Variants in SLC9A9 observed in about 807,000 individuals in gnomAD.
SLC9A9 encodes the protein sodium/hydrogen exchanger 9.
SLC9A9 carries 62 observed loss-of-function variants against 77.8 expected under a neutral mutation model. The observed-to-expected ratio is 0.80, with a 90% CI of 0.65 to 0.98. The LOEUF is 0.98. Ranked by LOEUF, SLC9A9 falls within the 50% of genes least tolerant of loss-of-function variation. The probability of loss-of-function intolerance (pLI) is 0.00; values close to 1 mark genes in which losing one functional copy is unlikely to be tolerated. For missense variants in SLC9A9, 775 were observed against 774.9 expected (o/e 1.00, Z 0.00); for synonymous variants, 320 against 283.5 (o/e 1.13, Z -1.29).
At chr3:143,345,788 G>A (rs997162488) in intron 14 of SLC9A9, among the ~76,000 whole-genome samples, 1 of 152,122 alleles carries the variant, frequency 6.6e-6, no homozygotes, top group African/African-American at 2.4e-5. Context: ...TTTTCCAGAT[G>A]GGTATAACAA....
chr3:143,712,263 GGGAAAAAA>G (rs1365375731), intron 4 of SLC9A9, among the ~76,000 whole-genome samples: 1 of 152,074 alleles, frequency 6.6e-6, no homozygotes, highest in African/African-American at 2.4e-5. Context: ...TACTTCTCTG[GGGAAAAAA>G]GCACCTGCTA....
intron 4 of SLC9A9, among the ~76,000 whole-genome samples, chr3:143,712,023 C>T (rs1934210344): frequency 6.6e-6 from 1 of 152,200 alleles, no homozygotes; most frequent in African/African-American, 2.4e-5. Context: ...CTGCAACCTA[C>T]CCACTAATCC....
rs1339267162 is a variant in SLC9A9 at position 143,642,263 on chromosome 3, T to C, written c.755+9992A>G. Among the ~76,000 whole-genome samples, 4 of 152,238 alleles carry C rather than the reference T, an allele frequency of 2.6e-5. No homozygotes were observed. The East Asian group carries it at 7.7e-4, about 29-fold the overall frequency. ...CATCCAAATTGTAAGTAAGTGTAAG[T>C]AATCCTTATTGGAAATAAACCATCT... On this transcript the variant is annotated intron_variant, in intron 6 of 15. Coordinates refer to ENST00000316549, the MANE Select transcript of SLC9A9 (RefSeq NM_173653.4).
intron 12 of SLC9A9, among the ~76,000 whole-genome samples, chr3:143,425,986 T>C (rs1455570886): frequency 6.6e-6 from 1 of 150,768 alleles, no homozygotes; most frequent in African/African-American, 2.4e-5. Context: ...TTTTTTTTTT[T>C]CCTAAAAAGA....
intron 4 of SLC9A9, among the ~76,000 whole-genome samples, chr3:143,712,045 A>T (rs895504743): frequency 3.9e-5 from 6 of 152,156 alleles, no homozygotes; most frequent in African/African-American, 1.2e-4. Context: ...TATCACCTCG[A>T]TATATGGACT....
chr3:143,704,017 A>T (rs962041099), intron 4 of SLC9A9, among the ~76,000 whole-genome samples: 1 of 152,198 alleles, frequency 6.6e-6, no homozygotes, highest in Non-Finnish European at 1.5e-5. Context: ...AACCTTGAAG[A>T]AATCCAACAG....
In SLC9A9 at chr3:143,266,454, C is replaced by T. The variant is rs1254021949; in HGVS notation, c.*248G>A. 2 of 566,640 alleles carry T rather than the reference C, an allele frequency of 3.5e-6. No individual in the cohort carries two copies. The highest frequency in any genetic ancestry group is 3.1e-5 in the East Asian group (1 of 32,294). 35.1% of individuals were successfully genotyped at this position (566,640 alleles called of 1,614,324 possible). On this transcript the variant is annotated 3_prime_UTR_variant, in exon 16 of 16. Transcript: ENST00000316549. ...GCTAGACTCCTGATACCTCCATCCCCACCCCAGCCAATCCAGTAATCAGAA... is the reference window on the plus strand; with the variant it reads ...GCTAGACTCCTGATACCTCCATCCCTACCCCAGCCAATCCAGTAATCAGAA...
chr3:143,708,927 A>T (rs1457050847), intron 4 of SLC9A9, among the ~76,000 whole-genome samples: 1 of 152,204 alleles, frequency 6.6e-6, no homozygotes. Context: ...GGCTAAAGTG[A>T]TAAAAGGTTC....
rs145561930 is a variant in SLC9A9, at chr3:143,591,033, C to T, written c.756-12310G>A. Among the ~76,000 whole-genome samples, 1,023 of 152,282 alleles carry T rather than the reference C, an allele frequency of 6.7e-3. 8 individuals carry two copies. Among genetic ancestry groups the T allele is most frequent in the African/African-American group, 0.023 (945 of 41,554 alleles). On this transcript the variant is annotated intron_variant, in intron 6 of 15. Transcript: ENST00000316549. ...ATGGGCTGCCTTCTTAATCTGGGTG[C>T]CTTTCATTCTCACATTAGATAAACC...
intron 12 of SLC9A9, among the ~76,000 whole-genome samples, chr3:143,444,143 A>ATCC (rs2034801323): frequency 6.6e-6 from 1 of 152,230 alleles, no homozygotes; most frequent in African/African-American, 2.4e-5. Context: ...CTTCCTAAAA[A>ATCC]TGCTTTGGAA....
intron 9 of SLC9A9, chr3:143,518,242 G>A (rs2036236552): frequency 6.3e-7 from 1 of 1,587,932 alleles, no homozygotes; most frequent in Non-Finnish European, 8.5e-7. Flanking sequence ...CAGGGAGGTG[G>A]TGGGCGAAGC....
chr3:143,733,567 G>A (rs879477592), intron 4 of SLC9A9, among the ~76,000 whole-genome samples: 5 of 152,132 alleles, frequency 3.3e-5, no homozygotes, highest in Admixed American at 6.6e-5. Flanking sequence ...GAGAAGTAGA[G>A]TAGAAAGAGG....
chr3:143,457,314 G>A (rs2035112198), intron 12 of SLC9A9, among the ~76,000 whole-genome samples: 1 of 152,100 alleles, frequency 6.6e-6, no homozygotes, highest in Non-Finnish European at 1.5e-5. Context: ...CACCTGGTCT[G>A]GCCCCTCCTT....
chr3:143,320,003 C>T (rs1307443078), intron 14 of SLC9A9, among the ~76,000 whole-genome samples: 1 of 152,212 alleles, frequency 6.6e-6, no homozygotes, highest in Non-Finnish European at 1.5e-5. Flanking sequence ...TTTGCCACAG[C>T]TTGCCCTATA....
At chr3:143,558,635 C>T (rs1008224562) in intron 8 of SLC9A9, among the ~76,000 whole-genome samples, 4 of 152,186 alleles carry the variant, frequency 2.6e-5, no homozygotes, top group Non-Finnish European at 4.4e-5. Context: ...TTTGTTTTGG[C>T]CAATTTCTCC....
At chr3:143,298,586 A>G (rs1222358250) in intron 14 of SLC9A9, among the ~76,000 whole-genome samples, 1 of 152,250 alleles carries the variant, frequency 6.6e-6, no homozygotes, top group Non-Finnish European at 1.5e-5. Flanking sequence ...GCTGCTGGTT[A>G]AGAATAGATT....
rs111923294 is a variant in SLC9A9, at chr3:143,443,593, T to C, written c.1469+23444A>G. On this transcript the variant is annotated intron_variant, in intron 12 of 15. Transcript: ENST00000316549. ...TTTTAATTTGCCTGGTATTGAGTGT[T>C]GACTAGCAATAGTCTCTTTTTCATG... 3.7e-3 allele frequency among the ~76,000 whole-genome samples: 568 copies of C among 152,284 alleles called. 5 individuals are homozygous for C. The highest frequency in any genetic ancestry group is 0.013 in the African/African-American group (542 of 41,560).
At chr3:143,344,507 C>A (rs1012497840) in intron 14 of SLC9A9, 1 of 152,106 alleles carries the variant, frequency 6.6e-6, no homozygotes, top group Admixed American at 6.5e-5. Context: ...TATGATGATG[C>A]CCATTTACAA....
At chr3:143,759,371 A>G (rs1560066451) in intron 4 of SLC9A9, among the ~76,000 whole-genome samples, 1 of 151,936 alleles carries the variant, frequency 6.6e-6, no homozygotes, top group Non-Finnish European at 1.5e-5. Context: ...TTAGTATAGA[A>G]ATAACCGGTC....
Sources: allele counts gnomAD v4.1 joint callset (sites outside exome capture counted in the v4.1 genomes callset), GRCh38; gene constraint gnomAD v4.1.1; transcripts MANE v1.5; gene names NCBI Gene and HGNC (gene_info 2026-07-23, HGNC 2026-07-21).